NUDT7: variants seen among roughly 807,000 people sequenced by gnomAD.
NUDT7 encodes peroxisomal coenzyme A diphosphatase NUDT7.
In NUDT7, 19 loss-of-function variants were observed where a neutral mutation model predicts 13.1. That is an observed-to-expected ratio of 1.45 (90% CI 1.01 to 2.13). The LOEUF (loss-of-function observed/expected upper bound fraction) is 2.13, where lower values mean the gene tolerates loss of function less well. Among genes scored for constraint, NUDT7 ranks in the 30% most tolerant of loss-of-function variants. The pLI is 0.00. For missense variants in NUDT7, 360 were observed against 291.7 expected, an observed-to-expected ratio of 1.23 and a Z score of -1.71; for synonymous variants, 132 against 109.7, an observed-to-expected ratio of 1.20 and a Z score of -1.27.
intron 3 of NUDT7, among the ~76,000 whole-genome samples, chr16:77,738,166 A>G (rs2014548832): frequency 6.6e-6 from 1 of 152,216 alleles, no homozygotes; most frequent in African/African-American, 2.4e-5. Context: ...ATCCACCAGC[A>G]TTTGGAGGAT....
intron 3 of NUDT7, among the ~76,000 whole-genome samples, chr16:77,738,771 C>T (rs1280513190): frequency 6.6e-6 from 1 of 152,208 alleles, no homozygotes; most frequent in East Asian, 1.9e-4. Context: ...GGCTGTGACA[C>T]CACAACCCCC....
In NUDT7 at chr16:77,733,398, G is replaced by T. The variant is rs534550481; in HGVS notation, c.190-2430G>T. 4.6e-5 allele frequency among the ~76,000 whole-genome samples: 7 copies of T among 152,256 alleles called. No homozygotes were observed. In the South Asian group the frequency reaches 1.2e-3, roughly 27 times the overall value. On this transcript the variant is annotated intron_variant, in intron 2 of 3. Transcript: ENST00000268533. ...GAAAGGGGCAAAGAGTCTGTCTCTG[G>T]TCTCTTTTATAAGGGCATTCATCTC... is the stretch of plus-strand genomic sequence containing the variant.
At chr16:77,735,525 C>CT (rs2014450799) in intron 2 of NUDT7, 3 of 559,358 alleles carry the variant, frequency 5.4e-6, no homozygotes, top group Admixed American at 5.9e-5. Flanking sequence ...AACCAAACCT[C>CT]TTTTCTTTAT....
intron 3 of NUDT7, among the ~76,000 whole-genome samples, chr16:77,739,061 G>A (rs540140066): frequency 4.5e-4 from 69 of 152,316 alleles, no homozygotes; most frequent in African/African-American, 1.4e-3. Context: ...TATTTACTGA[G>A]CATACATTGT....
intron 3 of NUDT7, among the ~76,000 whole-genome samples, chr16:77,740,707 C>G (rs1409753283): frequency 6.6e-6 from 1 of 151,974 alleles, no homozygotes; most frequent in East Asian, 1.9e-4. Context: ...ACCACCACAC[C>G]CGGCTAATTT....
chr16:77,739,785 G>A (rs1011999993), intron 3 of NUDT7, among the ~76,000 whole-genome samples: 1 of 152,134 alleles, frequency 6.6e-6, no homozygotes, highest in Non-Finnish European at 1.5e-5. Flanking sequence ...CATGTGTCCT[G>A]CACAGAGAGC....
chr16:77,736,451 G>C (rs939012553), intron 3 of NUDT7, among the ~76,000 whole-genome samples: 4 of 152,104 alleles, frequency 2.6e-5, no homozygotes, highest in African/African-American at 9.7e-5. Context: ...AAGCCTCTCT[G>C]TGATACATTA....
chr16:77,740,828 G>A (rs368498001), intron 3 of NUDT7, among the ~76,000 whole-genome samples: 142 of 151,972 alleles, frequency 9.3e-4, no homozygotes, highest in Middle Eastern at 3.4e-3. Context: ...GATTACAGGC[G>A]TGAGCCACCA....
rs529566174 is a variant in NUDT7 at position 77,742,038 on chromosome 16, T to G, written c.*88T>G. 2.0e-6 allele frequency: 3 copies of G among 1,490,382 alleles called. No individual in the cohort carries two copies. Among genetic ancestry groups the G allele is most frequent in the Middle Eastern group, 2.5e-4 (1 of 3,942 alleles). The allele number at this position is 1,490,382 out of a possible 1,614,324, so 92.3% of individuals were successfully genotyped here. A position where few individuals can be genotyped will look rare whatever the true frequency, so the allele number is the denominator to read the frequency against. On this transcript the variant is annotated 3_prime_UTR_variant, in exon 4 of 4. Transcript: ENST00000268533. ...AACAACAATGCCAGCTGTTGGAATT[T>G]GACAGGTGTGAATATTTTTTCTGCA...
At chr16:77,727,132 C>T (rs562023981) in intron 2 of NUDT7, among the ~76,000 whole-genome samples, 2 of 152,290 alleles carry the variant, frequency 1.3e-5, no homozygotes, top group Admixed American at 6.5e-5. Flanking sequence ...ACCTCCAACA[C>T]TGGGGACTCC....
chr16:77,733,191 G>T lies in NUDT7; in HGVS notation c.190-2637G>T, dbSNP rs149024352. On this transcript the variant is annotated intron_variant, in intron 2 of 3. Transcript: ENST00000268533. ...ATATCAAAAAGTTTATCATGGCATT[G>T]TCATAGTCCTCTCAAGCTGCTATAA... is the stretch of plus-strand genomic sequence containing the variant. Among the ~76,000 whole-genome samples the T allele has an allele frequency of 3.2e-3, 489 of 152,304 alleles. 11 individuals carry two copies. In the South Asian group the frequency reaches 0.052, roughly 16 times the overall value.
rs369208708 is a variant in NUDT7 at position 77,722,642 on chromosome 16, C to T, written c.35+25C>T. ...GGTAAAGGCTTTCCGGGCCCTGGCA[C>T]CCCGAGCTTGGTCAGGCCCGGCCTT... On this transcript the variant is annotated intron_variant, in intron 1 of 3. Transcript: ENST00000268533. The T allele has an allele frequency of 1.2e-5, 19 of 1,581,274 alleles. No homozygotes were observed. The African/African-American group carries it at 2.2e-4, about 18-fold the overall frequency.
intron 3 of NUDT7, 127 bp downstream of exon 3, chr16:77,736,113 C>A (rs1411727776): frequency 2.3e-6 from 2 of 875,600 alleles, no homozygotes; most frequent in East Asian, 2.7e-5. Context: ...AGAACAGGTT[C>A]TCCTACAGAC....
intron 1 of NUDT7, among the ~76,000 whole-genome samples, chr16:77,723,944 C>T (rs1475385256): frequency 6.6e-6 from 1 of 152,102 alleles, no homozygotes; most frequent in Non-Finnish European, 1.5e-5. Context: ...TGATTCTGCC[C>T]ACTATGCAAA....
At chr16:77,726,245 A>T (rs1453323397) in intron 2 of NUDT7, among the ~76,000 whole-genome samples, 1 of 152,234 alleles carries the variant, frequency 6.6e-6, no homozygotes, top group Non-Finnish European at 1.5e-5. Context: ...CACTTGTAAA[A>T]TGAGGACAAA....
rs757485666 is a variant in NUDT7, at chr16:77,741,710, C to G, written c.477C>G (p.Asp159Glu). 2.5e-6 allele frequency: 4 copies of G among 1,614,046 alleles called. No homozygotes were observed. The highest frequency in any genetic ancestry group is 3.4e-6 in the Non-Finnish European group (4 of 1,180,036). The part of the protein sequence containing the change: ...LAYFLHPQVH[D>E]QHYVTRLGHR... Reference sequence around the variant, plus strand: ...ATTTCCTGCATCCACAGGTCCATGACCAGCATTACGTCACACGTCTTGGTC... The same window carrying G: ...ATTTCCTGCATCCACAGGTCCATGAGCAGCATTACGTCACACGTCTTGGTC... Residue 159 changes from aspartate (D) to glutamate (E), a missense_variant, in exon 4 of 4, where the codon GAC becomes GAG. Coordinates refer to ENST00000268533, the MANE Select transcript of NUDT7 (RefSeq NM_001105663.3).
chr16:77,725,385 A>G, intron 1 of NUDT7, 46 bp from the exon 2 acceptor site: 1 of 1,569,952 alleles, frequency 6.4e-7, no homozygotes, highest in South Asian at 1.2e-5. Context: ...GCTTTTTACC[A>G]TAACTCTGCT....
In NUDT7 at chr16:77,725,566, C is replaced by A. The variant is rs749270856; in HGVS notation, c.171C>A (p.Phe57Leu). ...AAGAAGGAAAACTCCATTTGTTGTT[C>A]ACCGTCCGGTCAGAGAAGGTAGGTG... ...VAKEGKLHLL[F>L]TVRSEKLRRA... Residue 57 changes from phenylalanine (F) to leucine (L), a missense_variant, in exon 2 of 4, where the codon TTC becomes TTA. Phe to Leu is a conservative substitution (Grantham distance 22). Coordinates refer to ENST00000268533, the MANE Select transcript of NUDT7 (RefSeq NM_001105663.3). 6.2e-7 allele frequency: 1 copy of A among 1,614,040 alleles called. No individual in the cohort carries two copies. Among genetic ancestry groups the A allele is most frequent in the South Asian group, 1.1e-5 (1 of 91,058 alleles).
intron 2 of NUDT7, among the ~76,000 whole-genome samples, chr16:77,727,349 A>C (rs1311460108): frequency 6.6e-6 from 1 of 152,204 alleles, no homozygotes; most frequent in Non-Finnish European, 1.5e-5. Flanking sequence ...GTTTAAAAAA[A>C]AAATGCCAAG....
Sources: gnomAD v4.1 joint callset for allele counts (sites outside exome capture counted in the v4.1 genomes callset) on GRCh38, gnomAD v4.1.1 for gene constraint, MANE v1.5 for transcripts, NCBI Gene and HGNC (gene_info 2026-07-23, HGNC 2026-07-21) for gene names.